Variants in KIAA0513 observed in about 807,000 individuals in gnomAD.
KIAA0513 encodes KIAA0513.
A neutral mutation model predicts 56.5 loss-of-function variants in KIAA0513; 39 were observed. The ratio of observed to expected loss-of-function variants is 0.69; its 90% CI spans 0.53 to 0.90. The LOEUF is 0.90. KIAA0513 is among the 40% of genes least tolerant of loss of function. KIAA0513 has a pLI of 0.00. For missense variants in KIAA0513, 591 were observed against 535.2 expected (o/e 1.10, Z -1.03); for synonymous variants, 268 against 215.6 (o/e 1.24, Z -2.13).
At chr16:85,080,551 T>C (rs577985740) in intron 8 of KIAA0513, among the ~76,000 whole-genome samples, 52 of 152,318 alleles carry the variant, frequency 3.4e-4, no homozygotes, top group African/African-American at 1.2e-3. Flanking sequence ...CCCAGCACTT[T>C]GGGAGGCCAA....
At chr16:85,080,677 C>T (rs1340133938) in intron 8 of KIAA0513, among the ~76,000 whole-genome samples, 1 of 152,062 alleles carries the variant, frequency 6.6e-6, no homozygotes, top group Non-Finnish European at 1.5e-5. Flanking sequence ...GCCTATAATC[C>T]CAGCTACTCA....
intron 1 of KIAA0513, among the ~76,000 whole-genome samples, chr16:85,035,900 A>G (rs2073029607): frequency 6.7e-6 from 1 of 150,170 alleles, no homozygotes; most frequent in Middle Eastern, 3.2e-3. Flanking sequence ...AATGGCATGA[A>G]CCTGGGAGGC....
At chr16:85,074,309 CAT>C (rs1392722016) in intron 4 of KIAA0513, among the ~76,000 whole-genome samples, 1 of 149,424 alleles carries the variant, frequency 6.7e-6, no homozygotes, top group Non-Finnish European at 1.5e-5. Context: ...TATATACACA[CAT>C]ACACACACAC....
At chr16:85,036,335 C>G (rs1180039118) in intron 1 of KIAA0513, among the ~76,000 whole-genome samples, 1 of 152,164 alleles carries the variant, frequency 6.6e-6, no homozygotes, top group East Asian at 1.9e-4. Flanking sequence ...AGTCTCTGCC[C>G]CTGCCTCCCA....
At chr16:85,071,742 GT>G (rs373903661) in intron 2 of KIAA0513, 40 bp from the exon 3 acceptor site, 67,087 of 1,048,706 alleles carry the variant, frequency 0.064, 3 homozygotes, top group East Asian at 0.077. Context: ...ATTGAAAAGG[GT>G]TTTTTTTTTT....
chr16:85,035,486 TTTTGTTTG>T (rs1178320116), intron 1 of KIAA0513, among the ~76,000 whole-genome samples: 1 of 152,106 alleles, frequency 6.6e-6, no homozygotes, highest in Non-Finnish European at 1.5e-5. Context: ...TTGTTTTGTT[TTTTGTTTG>T]TTTGTTTGTT....
At position 85,076,980 on chromosome 16, in the gene KIAA0513, C is replaced by T. The variant is rs981203054; in HGVS notation, c.575-445C>T. Reference sequence around the variant, plus strand: ...GGGGTGCCAGGGCCTCATGTCCATCCACTGGCTAAGGGAGTTTGGGTGCTG... The same window carrying T: ...GGGGTGCCAGGGCCTCATGTCCATCTACTGGCTAAGGGAGTTTGGGTGCTG... On this transcript the variant is annotated intron_variant, in intron 5 of 12. Transcript: ENST00000683363. The surrounding 1 kb of genome is among the most constrained non-coding windows in gnomAD (Gnocchi z 4.7). Among the ~76,000 whole-genome samples the T allele has an allele frequency of 2.6e-5, 4 of 152,162 alleles. No homozygotes were observed. The highest frequency in any genetic ancestry group is 4.4e-5 in the Non-Finnish European group (3 of 68,020).
intron 10 of KIAA0513, among the ~76,000 whole-genome samples, chr16:85,082,866 C>A (rs909323175): frequency 1.3e-5 from 2 of 152,246 alleles, no homozygotes; most frequent in Non-Finnish European, 2.9e-5. Context: ...CTTGAGACGC[C>A]CTGGCGACAG....
At chr16:85,054,504 C>T (rs2073301094) in intron 1 of KIAA0513, among the ~76,000 whole-genome samples, 1 of 147,926 alleles carries the variant, frequency 6.8e-6, no homozygotes, top group Non-Finnish European at 1.5e-5. Context: ...CATCTCGGCT[C>T]ACTGCAACCT....
At chr16:85,088,120 C>T (rs949525966) in intron 12 of KIAA0513, among the ~76,000 whole-genome samples, 156 bp from the exon 13 acceptor site, 10 of 152,250 alleles carry the variant, frequency 6.6e-5, no homozygotes, top group South Asian at 4.1e-4. Flanking sequence ...CCCTGAAGCA[C>T]GCAAGCCGTG....
intron 1 of KIAA0513, among the ~76,000 whole-genome samples, chr16:85,039,762 C>T (rs1255286658): frequency 6.6e-6 from 1 of 151,904 alleles, no homozygotes; most frequent in Non-Finnish European, 1.5e-5. Flanking sequence ...TGTGAGCCAC[C>T]ACTGCTGGCA....
At chr16:85,082,695 C>A in intron 10 of KIAA0513, 102 bp downstream of exon 10, 1 of 1,263,460 alleles carries the variant, frequency 7.9e-7, no homozygotes, top group Non-Finnish European at 1.1e-6. Context: ...CTGCAGCAGG[C>A]ACAGCCCAGA....
chr16:85,044,285 G>A (rs999003500), intron 1 of KIAA0513, among the ~76,000 whole-genome samples: 6 of 152,074 alleles, frequency 3.9e-5, no homozygotes, highest in African/African-American at 1.4e-4. Flanking sequence ...GTGTGTGCAG[G>A]GACTCTAGTC....
In KIAA0513 at chr16:85,072,988, G is replaced by A. The variant is rs1479008706; in HGVS notation, c.493G>A (p.Val165Met). ...FYRLVQSFAVVLFECHQMDDF... is the reference protein window; with the variant it reads ...FYRLVQSFAVMLFECHQMDDF... The stretch of plus-strand genomic sequence containing the variant: ...CCGCCTGGTGCAGTCTTTTGCAGTG[G>A]TGCTGTTCGAGTAAGTAATGCCGTG... The change falls in exon 4 of 13, where the codon GTG becomes ATG. Residue 165 changes from valine (V) to methionine (M), a missense_variant. Physicochemically the swap from Val to Met is conservative, Grantham distance 21. Coordinates refer to ENST00000683363, the MANE Select transcript of KIAA0513 (RefSeq NM_001388359.1). 2 of 1,613,986 alleles carry A rather than the reference G, an allele frequency of 1.2e-6. No individual in the cohort carries two copies. The highest frequency in any genetic ancestry group is 1.3e-5 in the African/African-American group (1 of 75,042).
chr16:85,060,648 G>A (rs974803345), intron 1 of KIAA0513, among the ~76,000 whole-genome samples: 1 of 152,028 alleles, frequency 6.6e-6, no homozygotes, highest in East Asian at 1.9e-4. Flanking sequence ...AGACAAATCT[G>A]GGCAACATAG....
In KIAA0513 at chr16:85,057,614, C is replaced by G. The variant is rs139730719; in HGVS notation, c.-172-9286C>G. 2.4e-3 allele frequency among the ~76,000 whole-genome samples: 370 copies of G among 152,318 alleles called. 3 individuals carry two copies. Among genetic ancestry groups the G allele is most frequent in the African/African-American group, 7.7e-3 (322 of 41,558 alleles). On this transcript the variant is annotated intron_variant, in intron 1 of 12. Transcript: ENST00000683363. Reference sequence around the variant, plus strand: ...AATACTGCAGTGAAGAAAACACACACGACTCCTGACTCCCAGGGAACTTGT... The same window carrying G: ...AATACTGCAGTGAAGAAAACACACAGGACTCCTGACTCCCAGGGAACTTGT...
intron 1 of KIAA0513, among the ~76,000 whole-genome samples, chr16:85,035,997 A>G (rs955126205): frequency 3.4e-4 from 51 of 151,624 alleles, no homozygotes; most frequent in Non-Finnish European, 6.3e-4. Flanking sequence ...AAAAAAAAAA[A>G]AGGAATGGGT....
At chr16:85,046,377 T>A (rs2073171440) in intron 1 of KIAA0513, among the ~76,000 whole-genome samples, 1 of 152,210 alleles carries the variant, frequency 6.6e-6, no homozygotes, top group African/African-American at 2.4e-5. Context: ...AACTTGGGGC[T>A]CCGATATTGC....
chr16:85,087,224 G>A, intron 12 of KIAA0513, 58 bp downstream of exon 12: 1 of 1,370,830 alleles, frequency 7.3e-7, no homozygotes, highest in Non-Finnish European at 1.0e-6. Flanking sequence ...AGGAGCCAGT[G>A]CTGTGCCCGC....
Sources: allele counts gnomAD v4.1 joint callset (sites outside exome capture counted in the v4.1 genomes callset), GRCh38; gene constraint gnomAD v4.1.1; non-coding constraint Gnocchi (gnomAD v3.1); transcripts MANE v1.5; gene names NCBI Gene and HGNC (gene_info 2026-07-23, HGNC 2026-07-21).